Variants in ATRX observed in about 807,000 individuals in gnomAD.
The protein encoded by ATRX is chromatin remodeler ATRX.
Under a neutral mutation model 172.6 loss-of-function variants are expected in ATRX, and 12 were observed. The observed-to-expected ratio is 0.07, with a 90% CI of 0.04 to 0.11. ATRX has a LOEUF of 0.11. ATRX is among the 10% of genes least tolerant of loss of function. The probability of loss-of-function intolerance (pLI) is 1.00; values close to 1 mark genes in which losing one functional copy is unlikely to be tolerated. For missense variants in ATRX, 1,368 were observed against 1,767.4 expected (o/e 0.77, Z 4.05); for synonymous variants, 674 against 594.7 (o/e 1.13, Z -1.94).
At chrX:77,703,860 T>C (rs782760611) in intron 2 of ATRX, among the ~76,000 whole-genome samples, 145 of 111,068 alleles carry the variant, frequency 1.3e-3, no homozygotes, top group Non-Finnish European at 2.1e-3. Context: ...CCAACAAGTG[T>C]TCAGCTCCTA....
intron 30 of ATRX, among the ~76,000 whole-genome samples, chrX:77,552,091 A>G (rs1557056568): frequency 9.0e-6 from 1 of 111,182 alleles, no homozygotes; most frequent in Non-Finnish European, 1.9e-5. Flanking sequence ...AACTAGAAAT[A>G]CCATTTGACC....
In ATRX at chrX:77,613,036, T is replaced by C. The variant is rs545634144; in HGVS notation, c.5566+3577A>G. ...TTGCTTCCACCTTTTTTTGCCATTA[T>C]GAATGATGCAACTATAAACATAAGT... On this transcript the variant is annotated intron_variant, in intron 22 of 34. Coordinates refer to ENST00000373344, the MANE Select transcript of ATRX (RefSeq NM_000489.6). 7.2e-5 allele frequency among the ~76,000 whole-genome samples: 8 copies of C among 111,623 alleles called. No homozygotes were observed. In the South Asian group the frequency reaches 3.0e-3, roughly 42 times the overall value.
intron 22 of ATRX, among the ~76,000 whole-genome samples, chrX:77,601,008 G>C (rs1248282791): frequency 1.8e-5 from 2 of 111,373 alleles, no homozygotes; most frequent in Non-Finnish European, 3.8e-5. Context: ...TGCTGCTTTA[G>C]CTAGAGGTTA....
intron 1 of ATRX, among the ~76,000 whole-genome samples, chrX:77,745,638 G>T (rs781973370): frequency 1.8e-5 from 2 of 111,246 alleles, no homozygotes; most frequent in South Asian, 7.5e-4. Flanking sequence ...GGCACAGTGG[G>T]GATGGCTAAT....
chrX:77,714,194 T>C (rs7884553), intron 2 of ATRX, among the ~76,000 whole-genome samples: 354 of 110,795 alleles, frequency 3.2e-3, no homozygotes, highest in African/African-American at 0.011. Context: ...GAAGGACCTC[T>C]AACCGATTAT....
intron 1 of ATRX, among the ~76,000 whole-genome samples, chrX:77,770,077 G>C (rs961819230): frequency 2.0e-4 from 22 of 109,448 alleles, no homozygotes; most frequent in African/African-American, 7.3e-4. Flanking sequence ...GAGCAAGACT[G>C]TTTCAAAATA....
At chrX:77,689,277 G>C (rs1187091596) in intron 6 of ATRX, among the ~76,000 whole-genome samples, 3 of 111,937 alleles carry the variant, frequency 2.7e-5, no homozygotes, top group Non-Finnish European at 5.6e-5. Context: ...AGTCCTTAAA[G>C]AATGGGGAAG....
chrX:77,557,508 T>C lies in ATRX; in HGVS notation c.6642A>G (p.Leu2214=). 1 of 1,210,588 alleles carries C rather than the reference T, an allele frequency of 8.3e-7. No homozygotes were observed. Among genetic ancestry groups the C allele is most frequent in the Non-Finnish European group, 1.1e-6 (1 of 894,845 alleles). Residue 2214 remains leucine (L), a synonymous_variant, in exon 30 of 35, where the codon TTA becomes TTG. Coordinates refer to ENST00000373344, the MANE Select transcript of ATRX (RefSeq NM_000489.6). ...TCTTTTCTGAATTAGGGTCATCTAA[T>C]AAGTCTGGCTCAAAAGTATAAAGTT... ...LTELYTFEPD[L]LDDPNSEKKK...
At chrX:77,750,149 T>C (rs926235505) in intron 1 of ATRX, among the ~76,000 whole-genome samples, 1 of 111,985 alleles carries the variant, frequency 8.9e-6, no homozygotes, top group Non-Finnish European at 1.9e-5. Flanking sequence ...TTATAATTGT[T>C]CTATTTTATT....
intron 1 of ATRX, among the ~76,000 whole-genome samples, chrX:77,760,566 C>G (rs897923504): frequency 9.3e-5 from 10 of 107,852 alleles, no homozygotes; most frequent in Non-Finnish European, 1.9e-4. Flanking sequence ...CACATGTATA[C>G]GTATGTAACC....
chrX:77,755,796 A>G (rs1557189847), intron 1 of ATRX, among the ~76,000 whole-genome samples: 2 of 111,858 alleles, frequency 1.8e-5, no homozygotes, highest in African/African-American at 6.5e-5. Flanking sequence ...TCTCCCAGTC[A>G]GGAGGCACTG....
At position 77,513,958 on chromosome X, in the gene ATRX, C is replaced by T. The variant is rs2062966590; in HGVS notation, c.7201-5329G>A. Among the ~76,000 whole-genome samples the T allele has an allele frequency of 2.7e-5, 3 of 110,240 alleles. No individual in the cohort carries two copies. The South Asian group carries it at 1.2e-3, about 43-fold the overall frequency. ...AAAAATCAGTAGCATTCCTATACAC[C>T]AACAAAAGTCAAGCAAAGAGGCAAA... is the stretch of plus-strand genomic sequence containing the variant. On this transcript the variant is annotated intron_variant, in intron 34 of 34. Transcript: ENST00000373344.
intron 5 of ATRX, among the ~76,000 whole-genome samples, chrX:77,694,978 A>G (rs1478282686): frequency 9.3e-6 from 1 of 107,677 alleles, no homozygotes; most frequent in Non-Finnish European, 1.9e-5. Context: ...AAAAAAAGTT[A>G]TTCACAGCAA....
intron 1 of ATRX, among the ~76,000 whole-genome samples, chrX:77,770,606 G>A (rs1423102579): frequency 9.0e-6 from 1 of 111,511 alleles, no homozygotes; most frequent in Non-Finnish European, 1.9e-5. Flanking sequence ...CCCAAATAGA[G>A]ATACATTCTA....
At chrX:77,583,384 C>T (rs1222818320) in intron 27 of ATRX, among the ~76,000 whole-genome samples, 1 of 110,447 alleles carries the variant, frequency 9.1e-6, no homozygotes, top group African/African-American at 3.3e-5. Context: ...ATTAGTTAGG[C>T]GCGGTGGCAC....
At chrX:77,702,791 A>C (rs1557154630) in intron 2 of ATRX, among the ~76,000 whole-genome samples, 1 of 111,210 alleles carries the variant, frequency 9.0e-6, no homozygotes, top group Non-Finnish European at 1.9e-5. Flanking sequence ...CAGTGGTGCA[A>C]TTATAGCTCA....
chrX:77,702,943 T>C (rs1276323110), intron 2 of ATRX, among the ~76,000 whole-genome samples: 4 of 111,687 alleles, frequency 3.6e-5, no homozygotes, highest in African/African-American at 1.3e-4. Context: ...CCCAGGCTGG[T>C]CTCAAATTCC....
chrX:77,781,856 T>C (rs1569547058), intron 1 of ATRX, among the ~76,000 whole-genome samples: 1 of 112,188 alleles, frequency 8.9e-6, no homozygotes, highest in African/African-American at 3.2e-5. Flanking sequence ...GAATTGCCCG[T>C]ATCCTATTAC....
intron 2 of ATRX, among the ~76,000 whole-genome samples, chrX:77,711,961 G>A (rs1557161563): frequency 8.9e-6 from 1 of 112,357 alleles, no homozygotes; most frequent in Non-Finnish European, 1.9e-5. Context: ...TAACCAGGCT[G>A]GTTGGAATCT....
Sources: allele counts gnomAD v4.1 joint callset (sites outside exome capture counted in the v4.1 genomes callset), GRCh38; gene constraint gnomAD v4.1.1; transcripts MANE v1.5; gene names NCBI Gene and HGNC (gene_info 2026-07-23, HGNC 2026-07-21).